The following ADAMTS2 variants were observed in gnomAD, a reference collection of about 807,000 sequenced individuals.
ADAMTS2 encodes A disintegrin and metalloproteinase with thrombospondin motifs 2.
Under a neutral mutation model 123.0 loss-of-function variants are expected in ADAMTS2, and 50 were observed. That is an observed-to-expected ratio of 0.41 (90% CI 0.32 to 0.51). ADAMTS2 has a LOEUF of 0.51. Ranked by LOEUF, ADAMTS2 falls within the 20% of genes least tolerant of loss-of-function variation. The probability of loss-of-function intolerance (pLI) is 0.35; values close to 1 mark genes in which losing one functional copy is unlikely to be tolerated. For synonymous variants in ADAMTS2, 678 were observed against 695.4 expected (o/e 0.98, Z 0.39); for missense variants, 1,494 against 1,705.2 (o/e 0.88, Z 2.18).
intron 2 of ADAMTS2, among the ~76,000 whole-genome samples, chr5:179,296,041 A>G (rs73808248): frequency 0.044 from 6,750 of 152,272 alleles, 511 homozygotes; most frequent in African/African-American, 0.15. Context: ...GCACGTGCCA[A>G]GGTGCAGAGC....
At chr5:179,321,375 C>T (rs1757168618) in intron 2 of ADAMTS2, among the ~76,000 whole-genome samples, 1 of 152,216 alleles carries the variant, frequency 6.6e-6, no homozygotes, top group Admixed American at 6.5e-5. Flanking sequence ...ACTCCCTTGC[C>T]TCTCACTGGC....
In ADAMTS2 at chr5:179,307,153, T is replaced by A. The variant is rs145536710; in HGVS notation, c.535-34089A>T. Among the ~76,000 whole-genome samples, 1,096 of 152,244 alleles carry A rather than the reference T, an allele frequency of 7.2e-3. 9 individuals carry two copies. Among genetic ancestry groups the A allele is most frequent in the African/African-American group, 0.024 (1,004 of 41,554 alleles). Reference sequence around the variant, plus strand: ...GGCCCAGACCCTCGCCCTGCTAGCATGAGACAGACACAGGGGGCCCGCACT... The same window carrying A: ...GGCCCAGACCCTCGCCCTGCTAGCAAGAGACAGACACAGGGGGCCCGCACT... On this transcript the variant is annotated intron_variant, in intron 2 of 21. Transcript: ENST00000251582. This position sits in a 1 kb window ranked among gnomAD's most constrained non-coding sequence, Gnocchi z 5.6.
chr5:179,302,425 C>T (rs1345961524), intron 2 of ADAMTS2, among the ~76,000 whole-genome samples: 5 of 146,666 alleles, frequency 3.4e-5, no homozygotes, highest in Admixed American at 6.8e-5. Context: ...AGTGATAAGG[C>T]CCCGGACAAC....
chr5:179,148,180 G>A (rs1460607055), intron 10 of ADAMTS2, among the ~76,000 whole-genome samples: 2 of 152,022 alleles, frequency 1.3e-5, no homozygotes. Context: ...CAGCGCTGGC[G>A]GCTCTGAACA....
rs199825726 is a variant in ADAMTS2 at position 179,135,901 on chromosome 5, G to A, written c.2085+8C>T. The stretch of plus-strand genomic sequence containing the variant: ...GGTAGCCCCCCGTGCCGGCCTCTGT[G>A]TACTCACCCTGCAGTCCCCGCGCAC... On this transcript the variant is annotated splice_region_variant and intron_variant, in intron 13 of 21. Coordinates refer to ENST00000251582, the MANE Select transcript of ADAMTS2 (RefSeq NM_014244.5). The A allele has an allele frequency of 1.9e-6, 3 of 1,613,000 alleles. No individual in the cohort carries two copies. Among genetic ancestry groups the A allele is most frequent in the East Asian group, 2.2e-5 (1 of 44,880 alleles).
intron 5 of ADAMTS2, among the ~76,000 whole-genome samples, chr5:179,179,039 G>A (rs2113307513): frequency 6.6e-6 from 1 of 152,294 alleles, no homozygotes; most frequent in East Asian, 1.9e-4. Context: ...CTGCCTCCCG[G>A]GTTCAAGCAA....
chr5:179,236,755 C>T lies in ADAMTS2; in HGVS notation c.689-29040G>A, dbSNP rs889984917. ...GCAGTAAGCCGAGTCCATGCTGCTGCACTTCAGCCTGGGTGACAAAGCAAG... is the reference window on the plus strand; with the variant it reads ...GCAGTAAGCCGAGTCCATGCTGCTGTACTTCAGCCTGGGTGACAAAGCAAG... On this transcript the variant is annotated intron_variant, in intron 3 of 21. Transcript: ENST00000251582. Among the ~76,000 whole-genome samples, 14 of 152,342 alleles carry T rather than the reference C, an allele frequency of 9.2e-5. No individual in the cohort carries two copies. The East Asian group carries it at 1.2e-3, about 13-fold the overall frequency.
chr5:179,213,149 C>A (rs1688542485), intron 3 of ADAMTS2, among the ~76,000 whole-genome samples: 1 of 152,146 alleles, frequency 6.6e-6, no homozygotes, highest in African/African-American at 2.4e-5. Flanking sequence ...AGTGACACGG[C>A]CGACTGCTGT....
At chr5:179,140,077 G>A (rs767108037) in intron 10 of ADAMTS2, 42 bp from the exon 11 acceptor site, 13 of 1,612,820 alleles carry the variant, frequency 8.1e-6, no homozygotes, top group South Asian at 3.3e-5. Flanking sequence ...CCCTCACACC[G>A]GGCCGTGGGG....
chr5:179,287,287 C>T lies in ADAMTS2; in HGVS notation c.535-14223G>A, dbSNP rs562583482. 2.0e-5 allele frequency among the ~76,000 whole-genome samples: 3 copies of T among 152,334 alleles called. No homozygotes were observed. The East Asian group carries it at 5.8e-4, about 29-fold the overall frequency. ...AGGGCTGGCCACATGGGATGCCCAT[C>T]TCACCCTTCCTTCTAAACTGGGCAT... On this transcript the variant is annotated intron_variant, in intron 2 of 21. Transcript: ENST00000251582.
Position 179,272,746 on chromosome 5 carries a change from G to A in ADAMTS2, c.688+165C>T, listed in dbSNP as rs1372534323. ...AGCCCCAGCAGCCCTGCTACGCCCTGCCGTCAGCCAGGCAGCTGGCCCATT... is the reference window on the plus strand; with the variant it reads ...AGCCCCAGCAGCCCTGCTACGCCCTACCGTCAGCCAGGCAGCTGGCCCATT... On this transcript the variant is annotated intron_variant, in intron 3 of 21. Transcript: ENST00000251582. The surrounding 1 kb of genome is among the most constrained non-coding windows in gnomAD (Gnocchi z 5.8). Among the ~76,000 whole-genome samples, 1 of 152,170 alleles carries A rather than the reference G, an allele frequency of 6.6e-6. No homozygotes were observed. The highest frequency in any genetic ancestry group is 2.4e-5 in the African/African-American group (1 of 41,446).
intron 2 of ADAMTS2, among the ~76,000 whole-genome samples, chr5:179,283,333 G>A (rs1194777325): frequency 4.0e-5 from 6 of 151,652 alleles, no homozygotes. Context: ...AAAGAGTAGA[G>A]GAAGAAAAAA....
Position 179,230,809 on chromosome 5 carries a change from G to A in ADAMTS2, c.689-23094C>T, listed in dbSNP as rs150771883. On this transcript the variant is annotated intron_variant, in intron 3 of 21. Coordinates refer to ENST00000251582, the MANE Select transcript of ADAMTS2 (RefSeq NM_014244.5). The stretch of plus-strand genomic sequence containing the variant: ...GCGGATTGCCTGAGGTCAGGAGTTC[G>A]AGACCAGGCTGGCCAACATGGTGAA... Among the ~76,000 whole-genome samples, 401 of 152,290 alleles carry A rather than the reference G, an allele frequency of 2.6e-3. 4 individuals carry two copies. The highest frequency in any genetic ancestry group is 9.0e-3 in the African/African-American group (373 of 41,562).
At chr5:179,222,014 A>G (rs1765137999) in intron 3 of ADAMTS2, among the ~76,000 whole-genome samples, 2 of 152,126 alleles carry the variant, frequency 1.3e-5, no homozygotes, top group Non-Finnish European at 2.9e-5. Context: ...ACTCAGAGAC[A>G]GCACCGAGAG....
At chr5:179,313,298 ACT>A (rs1561728342) in intron 2 of ADAMTS2, among the ~76,000 whole-genome samples, 1 of 7,522 alleles carries the variant, frequency 1.3e-4, no homozygotes, top group Non-Finnish European at 3.5e-4. Flanking sequence ...TCATGCACAC[ACT>A]CACACCGAGA....
chr5:179,160,722 C>T (rs1013218790), intron 5 of ADAMTS2, among the ~76,000 whole-genome samples: 3 of 152,238 alleles, frequency 2.0e-5, no homozygotes, highest in Non-Finnish European at 4.4e-5. Flanking sequence ...TGTCCTGTGA[C>T]TAAGACTTGT....
chr5:179,238,323 C>T (rs1765579195), intron 3 of ADAMTS2, among the ~76,000 whole-genome samples: 1 of 152,180 alleles, frequency 6.6e-6, no homozygotes, highest in Non-Finnish European at 1.5e-5. Flanking sequence ...GCCAGCTCCC[C>T]TCAGGGACTG....
At chr5:179,323,477 C>T (rs1321395243) in intron 2 of ADAMTS2, among the ~76,000 whole-genome samples, 5 of 152,254 alleles carry the variant, frequency 3.3e-5, no homozygotes, top group African/African-American at 1.2e-4. Context: ...CTGGTCCTGC[C>T]ACAGGCCACA....
chr5:179,226,940 G>A (rs1765304521), intron 3 of ADAMTS2, among the ~76,000 whole-genome samples: 1 of 152,216 alleles, frequency 6.6e-6, no homozygotes, highest in Non-Finnish European at 1.5e-5. Context: ...GGGCAGGTCT[G>A]GAGGGGCTGC....
Sources: gnomAD v4.1 joint callset for allele counts (sites outside exome capture counted in the v4.1 genomes callset) on GRCh38, gnomAD v4.1.1 for gene constraint, Gnocchi (gnomAD v3.1) non-coding constraint, MANE v1.5 for transcripts, NCBI Gene and HGNC (gene_info 2026-07-23, HGNC 2026-07-21) for gene names.